MGLL: variants seen among roughly 807,000 people sequenced by gnomAD.
MGLL encodes the protein monoglyceride lipase.
In MGLL, 7 loss-of-function variants were observed where a neutral mutation model predicts 29.1. The ratio of observed to expected loss-of-function variants is 0.24; its 90% confidence interval spans 0.14 to 0.45. The LOEUF (loss-of-function observed/expected upper bound fraction) is 0.45. Among genes scored for constraint, MGLL ranks in the 20% least tolerant of loss-of-function variants. The pLI, the probability that MGLL is intolerant of heterozygous loss-of-function variation, is 0.99. For missense variants in MGLL, 356 were observed against 413.6 expected (o/e 0.86, Z 1.21); for synonymous variants, 148 against 168.3 (o/e 0.88, Z 0.93).
At chr3:127,762,402 C>A (rs1416265584) in intron 3 of MGLL, among the ~76,000 whole-genome samples, 2 of 152,180 alleles carry the variant, frequency 1.3e-5, no homozygotes, top group African/African-American at 4.8e-5. Context: ...ATTCCCACCC[C>A]CAGCCTTTCT....
rs2075210787 is a variant in MGLL at position 127,689,732 on chromosome 3, A to G, written c.*2466T>C. On this transcript the variant is annotated 3_prime_UTR_variant, in exon 8 of 8. Transcript: ENST00000265052. Reference sequence around the variant, plus strand: ...GCCGTCAGTATCGAGAAGGAACTCAACGCAAGGCTTCACAGCTTTCCAAGG... The same window carrying G: ...GCCGTCAGTATCGAGAAGGAACTCAGCGCAAGGCTTCACAGCTTTCCAAGG... 1 of 152,140 alleles carries G rather than the reference A, an allele frequency of 6.6e-6. No individual in the cohort carries two copies. Among genetic ancestry groups the G allele is most frequent in the South Asian group, 2.1e-4 (1 of 4,820 alleles). 9.4% of individuals were successfully genotyped at this position (152,140 alleles called of 1,614,324 possible).
chr3:127,738,999 G>A (rs545981883), intron 3 of MGLL, among the ~76,000 whole-genome samples: 1 of 152,346 alleles, frequency 6.6e-6, no homozygotes, highest in Non-Finnish European at 1.5e-5. Context: ...AGGCAGCATT[G>A]AAGATGCCTT....
chr3:127,741,966 T>C (rs972296000), intron 3 of MGLL, among the ~76,000 whole-genome samples: 4 of 152,232 alleles, frequency 2.6e-5, no homozygotes, highest in African/African-American at 9.6e-5. Context: ...CTACTTATTG[T>C]GGAGCATTGA....
intron 3 of MGLL, among the ~76,000 whole-genome samples, chr3:127,747,180 G>T (rs1199420027): frequency 6.6e-6 from 1 of 152,066 alleles, no homozygotes; most frequent in Non-Finnish European, 1.5e-5. Context: ...CTGGAGATTT[G>T]GTCTGGGACT....
intron 3 of MGLL, among the ~76,000 whole-genome samples, chr3:127,777,078 A>C (rs1405996693): frequency 1.3e-5 from 2 of 152,178 alleles, no homozygotes; most frequent in Non-Finnish European, 2.9e-5. Flanking sequence ...TGTTCTCATT[A>C]GGACAACAGT....
intron 2 of MGLL, among the ~76,000 whole-genome samples, chr3:127,813,369 T>C (rs561317624): frequency 6.6e-6 from 1 of 152,288 alleles, no homozygotes; most frequent in East Asian, 1.9e-4. Flanking sequence ...TCTGCACTTA[T>C]TAGCAGCCTC....
intron 2 of MGLL, among the ~76,000 whole-genome samples, chr3:127,816,004 G>A (rs1195392571): frequency 1.3e-5 from 2 of 152,210 alleles, no homozygotes; most frequent in African/African-American, 2.4e-5. Flanking sequence ...GGTAGCCACA[G>A]AGCTGCATGC....
chr3:127,821,892 G>T, intron 1 of MGLL, 54 bp from the exon 2 acceptor site: 1 of 1,562,362 alleles, frequency 6.4e-7, no homozygotes. Flanking sequence ...GAACATGTAT[G>T]GATAGGAGAG....
chr3:127,752,467 G>A (rs1161376345), intron 3 of MGLL, among the ~76,000 whole-genome samples: 1 of 151,984 alleles, frequency 6.6e-6, no homozygotes, highest in Non-Finnish European at 1.5e-5. Flanking sequence ...TTAACAACAG[G>A]TCTTGGAGGC....
At chr3:127,742,315 C>T (rs573838370) in intron 3 of MGLL, among the ~76,000 whole-genome samples, 3 of 152,118 alleles carry the variant, frequency 2.0e-5, no homozygotes, top group African/African-American at 7.2e-5. Context: ...GCAGGCCAGG[C>T]GCAGTGGCTC....
At chr3:127,772,507 C>T (rs1365707379) in intron 3 of MGLL, among the ~76,000 whole-genome samples, 3 of 152,218 alleles carry the variant, frequency 2.0e-5, no homozygotes, top group Non-Finnish European at 4.4e-5. Flanking sequence ...AACCGTCCTG[C>T]ACACTACCGC....
At chr3:127,715,503 A>G in intron 5 of MGLL, 1 of 356,956 alleles carries the variant, frequency 2.8e-6, no homozygotes, top group South Asian at 2.1e-5. Context: ...ATGCAGGGGC[A>G]GGATGTTTTG....
At chr3:127,755,310 G>GAAAT (rs1359661377) in intron 3 of MGLL, among the ~76,000 whole-genome samples, 1 of 152,184 alleles carries the variant, frequency 6.6e-6, no homozygotes, top group East Asian at 1.9e-4. Context: ...GGTGTTTAAA[G>GAAAT]AAATGGAAGG....
chr3:127,819,585 C>T (rs144826437), intron 2 of MGLL, among the ~76,000 whole-genome samples: 8 of 152,176 alleles, frequency 5.3e-5, no homozygotes, highest in East Asian at 1.9e-4. Flanking sequence ...TTGCACAAAG[C>T]GAGGCCCTAG....
At chr3:127,699,741 G>A (rs564056896) in intron 6 of MGLL, among the ~76,000 whole-genome samples, 85 of 152,322 alleles carry the variant, frequency 5.6e-4, no homozygotes, top group Middle Eastern at 3.4e-3. Context: ...GGTGGCAGGG[G>A]CACTAGTGCT....
intron 3 of MGLL, among the ~76,000 whole-genome samples, chr3:127,746,510 C>G (rs1204488418): frequency 6.6e-6 from 1 of 152,164 alleles, no homozygotes; most frequent in Non-Finnish European, 1.5e-5. Context: ...TTAAGACACC[C>G]TGGTGTGATC....
intron 2 of MGLL, among the ~76,000 whole-genome samples, chr3:127,802,259 A>G (rs1045075766): frequency 1.3e-5 from 2 of 152,118 alleles, no homozygotes; most frequent in African/African-American, 4.8e-5. Flanking sequence ...TTGGTCTTGA[A>G]CTTCACTTAC....
intron 6 of MGLL, among the ~76,000 whole-genome samples, chr3:127,699,348 C>T (rs925691292): frequency 6.0e-5 from 6 of 100,520 alleles, no homozygotes; most frequent in African/African-American, 4.9e-4. Context: ...AATCTCTTGA[C>T]CCATTTTTTT....
intron 2 of MGLL, among the ~76,000 whole-genome samples, chr3:127,795,484 C>A (rs1209386049): frequency 6.6e-6 from 1 of 152,056 alleles, no homozygotes; most frequent in Non-Finnish European, 1.5e-5. Flanking sequence ...AGTCATACCC[C>A]AAACTCAGCA....
Sources: gnomAD v4.1 joint callset for allele counts (sites outside exome capture counted in the v4.1 genomes callset) on GRCh38, gnomAD v4.1.1 for gene constraint, MANE v1.5 for transcripts, NCBI Gene and HGNC (gene_info 2026-07-23, HGNC 2026-07-21) for gene names.